PHYHD1: variants seen among roughly 807,000 people sequenced by gnomAD.
PHYHD1 encodes the protein phytanoyl-CoA dioxygenase domain containing 1.
PHYHD1 carries 42 observed loss-of-function variants against 43.6 expected under a neutral mutation model. The ratio of observed to expected loss-of-function variants is 0.96; its 90% CI spans 0.75 to 1.25. The LOEUF is 1.25. PHYHD1 is among the 50% of genes most tolerant of loss of function. The pLI, the probability that PHYHD1 is intolerant of heterozygous loss-of-function variation, is 0.00. For missense variants in PHYHD1, 342 were observed against 370.8 expected, an observed-to-expected ratio of 0.92 and a Z score of 0.64; for synonymous variants, 139 against 143.6, an observed-to-expected ratio of 0.97 and a Z score of 0.23.
chr9:128,927,056 CTGGTGCTGG>C lies in PHYHD1; in HGVS notation c.53_61del (p.Leu18_Glu21delinsGln), dbSNP rs923593735. The C allele has an allele frequency of 3.1e-6, 5 of 1,614,022 alleles. No homozygotes were observed. In the African/African-American group the frequency reaches 5.3e-5, roughly 17 times the overall value. ...CCTGCAGTTCCAACAGGATGGATTC[CTGGTGCTGG>C]AAGGATTCTTGTCTGCGGAAGAGTG... On this transcript the variant is annotated inframe_deletion, in exon 4 of 13. Coordinates refer to ENST00000372592, the MANE Select transcript of PHYHD1 (RefSeq NM_001100876.2).
intron 8 of PHYHD1, 35 bp downstream of exon 8, chr9:128,936,680 G>A: frequency 6.5e-7 from 1 of 1,547,668 alleles, no homozygotes; most frequent in Admixed American, 2.0e-5. Context: ...TTTACCATCT[G>A]TAAAATGGGC....
chr9:128,936,677 T>G, intron 8 of PHYHD1, 32 bp downstream of exon 8: 1 of 1,549,562 alleles, frequency 6.5e-7, no homozygotes, highest in Non-Finnish European at 8.7e-7. Flanking sequence ...CAGTTTACCA[T>G]CTGTAAAATG....
chr9:128,935,014 C>T (rs1039871113), intron 6 of PHYHD1, among the ~76,000 whole-genome samples: 1 of 152,122 alleles, frequency 6.6e-6, no homozygotes, highest in African/African-American at 2.4e-5. Flanking sequence ...CTAAGGGGCA[C>T]CTGACCTGCT....
chr9:128,937,139 C>T (rs1270204819), intron 8 of PHYHD1, among the ~76,000 whole-genome samples: 2 of 151,618 alleles, frequency 1.3e-5, no homozygotes, highest in South Asian at 2.1e-4. Context: ...TTTGGCCAGG[C>T]GCAGTGGCTC....
At chr9:128,932,415 T>G (rs1421389853) in intron 4 of PHYHD1, among the ~76,000 whole-genome samples, 2 of 151,986 alleles carry the variant, frequency 1.3e-5, no homozygotes, top group Admixed American at 6.6e-5. Context: ...TTGCCCAGGG[T>G]GGAGTGCAAT....
At chr9:128,935,558 CA>C (rs766510997) in intron 6 of PHYHD1, among the ~76,000 whole-genome samples, 85 of 104,288 alleles carry the variant, frequency 8.2e-4, no homozygotes, top group Admixed American at 1.1e-3. Flanking sequence ...AACTCTGTCT[CA>C]AAAAAAAAAA....
intron 4 of PHYHD1, among the ~76,000 whole-genome samples, chr9:128,928,577 C>T (rs1841194756): frequency 1.3e-5 from 2 of 152,068 alleles, no homozygotes; most frequent in Admixed American, 6.6e-5. Flanking sequence ...GTGATGCATA[C>T]CTGTAATCCC....
chr9:128,935,571 A>G (rs1841403991), intron 6 of PHYHD1, among the ~76,000 whole-genome samples: 2 of 148,706 alleles, frequency 1.3e-5, no homozygotes, highest in African/African-American at 2.5e-5. Flanking sequence ...AAAAAAAAAA[A>G]AAAAGAAAAG....
chr9:128,937,261 G>T (rs12555901), intron 8 of PHYHD1, among the ~76,000 whole-genome samples: 45,478 of 145,760 alleles, frequency 0.31, 7,973 homozygotes, highest in Admixed American at 0.41. Flanking sequence ...CAAAAAGGAA[G>T]AAAAAAAAAA....
chr9:128,923,094 G>A (rs1841044320), intron 3 of PHYHD1, among the ~76,000 whole-genome samples: 3 of 152,010 alleles, frequency 2.0e-5, no homozygotes, highest in Admixed American at 6.5e-5. Context: ...ACAGGCATGC[G>A]CCACCACACC....
chr9:128,936,500 G>A lies in PHYHD1; in HGVS notation c.369G>A (p.Val123=), dbSNP rs1199809754. Residue 123 remains valine (V), a synonymous_variant, in exon 7 of 13, where the codon GTG becomes GTA. Coordinates refer to ENST00000372592, the MANE Select transcript of PHYHD1 (RefSeq NM_001100876.2). Reference sequence around the variant, plus strand: ...AGAGCATCACACACTCCTTCAAGGTGCAGGTGAGCAGAGGTGGGGGTGAGG... The same window carrying A: ...AGAGCATCACACACTCCTTCAAGGTACAGGTGAGCAGAGGTGGGGGTGAGG... ...VFKSITHSFK[V]QTLARSLGLQ... 2 of 1,613,672 alleles carry A rather than the reference G, an allele frequency of 1.2e-6. No individual in the cohort carries two copies. The highest frequency in any genetic ancestry group is 2.7e-5 in the African/African-American group (2 of 74,902).
intron 6 of PHYHD1, among the ~76,000 whole-genome samples, chr9:128,935,544 G>C (rs987697427): frequency 1.4e-4 from 20 of 140,094 alleles, no homozygotes; most frequent in Admixed American, 4.6e-4. Flanking sequence ...GGGCAACAGA[G>C]CGAAACTCTG....
At chr9:128,921,787 A>C (rs1841004027) in intron 1 of PHYHD1, 119 bp downstream of exon 1, 1 of 153,050 alleles carries the variant, frequency 6.5e-6, no homozygotes, top group Non-Finnish European at 1.5e-5. Flanking sequence ...TAATCCTCCC[A>C]GGACCGAGAG....
chr9:128,937,350 G>A (rs985695277), intron 8 of PHYHD1, among the ~76,000 whole-genome samples: 3 of 152,096 alleles, frequency 2.0e-5, no homozygotes, highest in Non-Finnish European at 4.4e-5. Context: ...TTTGGCAATT[G>A]AAATGCTGTG....
At chr9:128,924,067 T>C (rs577905311) in intron 3 of PHYHD1, among the ~76,000 whole-genome samples, 35 of 152,116 alleles carry the variant, frequency 2.3e-4, no homozygotes, top group African/African-American at 7.2e-4. Flanking sequence ...TGCAGTGAGC[T>C]GAGATCATGC....
intron 6 of PHYHD1, among the ~76,000 whole-genome samples, chr9:128,934,273 C>T (rs938702524): frequency 6.6e-6 from 1 of 151,924 alleles, no homozygotes; most frequent in African/African-American, 2.4e-5. Flanking sequence ...CCTGTAGTCC[C>T]AGCTACTCAG....
intron 3 of PHYHD1, chr9:128,926,775 C>A: frequency 3.9e-6 from 2 of 509,180 alleles, no homozygotes; most frequent in Non-Finnish European, 3.9e-6. Context: ...AAACTCATGA[C>A]CTCAAGTTAT....
intron 3 of PHYHD1, among the ~76,000 whole-genome samples, chr9:128,925,384 C>T (rs1841109436): frequency 6.6e-6 from 1 of 151,814 alleles, no homozygotes; most frequent in South Asian, 2.1e-4. Context: ...CGCCACCGCA[C>T]CTGGCTAATT....
chr9:128,923,294 C>A (rs1047884774), intron 3 of PHYHD1, among the ~76,000 whole-genome samples: 1 of 152,168 alleles, frequency 6.6e-6, no homozygotes, highest in Non-Finnish European at 1.5e-5. Context: ...CCAGGCTGGT[C>A]CAGAGCTCCT....
Sources: gnomAD v4.1 joint callset for allele counts (sites outside exome capture counted in the v4.1 genomes callset) on GRCh38, gnomAD v4.1.1 for gene constraint, MANE v1.5 for transcripts, NCBI Gene and HGNC (gene_info 2026-07-23, HGNC 2026-07-21) for gene names.